Variants in SLC44A5 observed in about 807,000 individuals in gnomAD.
SLC44A5 encodes solute carrier family 44 member 5, also known as choline transporter-like protein 5.
SLC44A5 carries 57 observed loss-of-function variants against 101.8 expected under a neutral mutation model. The observed-to-expected ratio is 0.56, with a 90% CI of 0.45 to 0.70. SLC44A5 has a LOEUF of 0.70. Among genes scored for constraint, SLC44A5 ranks in the 30% least tolerant of loss-of-function variants. SLC44A5 has a pLI of 0.00. For synonymous variants in SLC44A5, 281 were observed against 290.9 expected, an observed-to-expected ratio of 0.97 and a Z score of 0.35; for missense variants, 737 against 853.1, an observed-to-expected ratio of 0.86 and a Z score of 1.70.
At chr1:75,538,592 T>TAATA (rs1671181628) in intron 2 of SLC44A5, among the ~76,000 whole-genome samples, 2 of 152,192 alleles carry the variant, frequency 1.3e-5, no homozygotes, top group African/African-American at 4.8e-5. Context: ...CTTTTAGACA[T>TAATA]ACTATAAAGG....
At chr1:75,464,155 G>A (rs981479623) in intron 2 of SLC44A5, among the ~76,000 whole-genome samples, 1 of 146,988 alleles carries the variant, frequency 6.8e-6, no homozygotes, top group Non-Finnish European at 1.5e-5. Flanking sequence ...CTGGAAGGTG[G>A]AGGTTGCAGT....
intron 1 of SLC44A5, among the ~76,000 whole-genome samples, chr1:75,589,174 T>C (rs1278522451): frequency 2.0e-5 from 3 of 150,984 alleles, no homozygotes; most frequent in Non-Finnish European, 4.4e-5. Flanking sequence ...TAATCTGCCA[T>C]GTCATTCATT....
At chr1:75,279,629 T>C (rs905358639) in intron 5 of SLC44A5, among the ~76,000 whole-genome samples, 2 of 152,146 alleles carry the variant, frequency 1.3e-5, no homozygotes, top group Non-Finnish European at 2.9e-5. Context: ...ACCTTTTTTT[T>C]GTTCTTCAGA....
the SLC44A5 span, among the ~76,000 whole-genome samples, chr1:75,647,907 AC>A: frequency 2.0e-5 from 3 of 152,154 alleles, no homozygotes; most frequent in African/African-American, 7.2e-5. Context: ...TTGGACTTGG[AC>A]TTTTGGGTTA....
At chr1:75,211,891 T>TC (rs1646864700) in intron 22 of SLC44A5, among the ~76,000 whole-genome samples, 3 of 149,480 alleles carry the variant, frequency 2.0e-5, no homozygotes, top group Non-Finnish European at 4.5e-5. Context: ...CCTTCCTTCC[T>TC]TTCTCTCTCT....
chr1:75,358,381 A>G (rs1388611869), intron 3 of SLC44A5, among the ~76,000 whole-genome samples: 1 of 152,148 alleles, frequency 6.6e-6, no homozygotes, highest in African/African-American at 2.4e-5. Flanking sequence ...TTAAGACTCA[A>G]TTTGGTATGT....
chr1:75,425,171 G>A (rs1279638131), intron 2 of SLC44A5, among the ~76,000 whole-genome samples: 1 of 152,166 alleles, frequency 6.6e-6, no homozygotes, highest in Non-Finnish European at 1.5e-5. Context: ...GAAACAAGAG[G>A]TACAGCAAAA....
chr1:75,597,353 T>A (rs1238055354), intron 1 of SLC44A5, among the ~76,000 whole-genome samples: 2 of 152,122 alleles, frequency 1.3e-5, no homozygotes, highest in African/African-American at 4.8e-5. Flanking sequence ...AGAATCAATA[T>A]TGTTAAAATG....
chr1:75,458,843 CAT>C (rs145703912), intron 2 of SLC44A5, among the ~76,000 whole-genome samples: 214 of 152,128 alleles, frequency 1.4e-3, no homozygotes, highest in South Asian at 6.4e-3. Context: ...ACTTAATAAA[CAT>C]ATGAAGAATT....
chr1:75,651,838 C>T, the SLC44A5 span, among the ~76,000 whole-genome samples: 2 of 152,072 alleles, frequency 1.3e-5, no homozygotes, highest in Non-Finnish European at 2.9e-5. Flanking sequence ...AGGCCCCACA[C>T]ACACACACGC....
intron 3 of SLC44A5, among the ~76,000 whole-genome samples, chr1:75,352,862 A>G (rs1397688419): frequency 1.3e-5 from 2 of 152,228 alleles, no homozygotes; most frequent in Non-Finnish European, 2.9e-5. Flanking sequence ...AACGTTTTTG[A>G]AAAGTAGAGA....
the SLC44A5 span, among the ~76,000 whole-genome samples, chr1:75,622,686 T>C: frequency 1.3e-5 from 2 of 152,040 alleles, no homozygotes; most frequent in African/African-American, 4.8e-5. Flanking sequence ...TAATCCACCG[T>C]TAAACTCTCA....
chr1:75,319,224 C>A (rs748066615), intron 4 of SLC44A5, among the ~76,000 whole-genome samples: 7 of 152,130 alleles, frequency 4.6e-5, no homozygotes, highest in Non-Finnish European at 1.0e-4. Context: ...TCTTTCCTTC[C>A]TTTCCCTACC....
At chr1:75,415,651 G>C (rs773903878) in intron 2 of SLC44A5, among the ~76,000 whole-genome samples, 1 of 152,210 alleles carries the variant, frequency 6.6e-6, no homozygotes, top group Non-Finnish European at 1.5e-5. Flanking sequence ...ATGTGGGACA[G>C]TTTGGAACTT....
chr1:75,356,744 A>C (rs1182727009), intron 3 of SLC44A5, among the ~76,000 whole-genome samples: 1 of 152,156 alleles, frequency 6.6e-6, no homozygotes, highest in Admixed American at 6.6e-5. Context: ...ATTAATTGTA[A>C]GTGCCGTATT....
At position 75,262,679 on chromosome 1, in the gene SLC44A5, T is replaced by G. The variant is rs1009837554; in HGVS notation, c.261-11385A>C. Reference sequence around the variant, plus strand: ...AAAAGAGCCCGCATTGCCAAGACAATCCTAAGCCAAAAGAACAAAGCTGGA... The same window carrying G: ...AAAAGAGCCCGCATTGCCAAGACAAGCCTAAGCCAAAAGAACAAAGCTGGA... On this transcript the variant is annotated intron_variant, in intron 6 of 23. Transcript: ENST00000370859. 2.0e-5 allele frequency among the ~76,000 whole-genome samples: 3 copies of G among 152,122 alleles called. No homozygotes were observed. The East Asian group carries it at 5.8e-4, about 29-fold the overall frequency.
At chr1:75,342,069 C>T (rs1420326610) in intron 3 of SLC44A5, among the ~76,000 whole-genome samples, 1 of 152,058 alleles carries the variant, frequency 6.6e-6, no homozygotes, top group Non-Finnish European at 1.5e-5. Context: ...AACAGACCAA[C>T]CTAATGGAGA....
At chr1:75,537,025 A>AT (rs1437539277) in intron 2 of SLC44A5, among the ~76,000 whole-genome samples, 5 of 27,610 alleles carry the variant, frequency 1.8e-4, no homozygotes, top group Non-Finnish European at 6.0e-4. Flanking sequence ...AAAAAAAAAA[A>AT]AAAAAAAAAT....
At chr1:75,355,725 A>G (rs1291557441) in intron 3 of SLC44A5, among the ~76,000 whole-genome samples, 1 of 152,198 alleles carries the variant, frequency 6.6e-6, no homozygotes, top group African/African-American at 2.4e-5. Context: ...AGCATTACTC[A>G]TGATTGTGAT....
Sources: allele counts gnomAD v4.1 joint callset (sites outside exome capture counted in the v4.1 genomes callset), GRCh38; gene constraint gnomAD v4.1.1; transcripts MANE v1.5; gene names NCBI Gene and HGNC (gene_info 2026-07-23, HGNC 2026-07-21).